N4BP1: variants seen among roughly 807,000 people sequenced by gnomAD.
N4BP1 encodes the protein NEDD4 binding protein 1, also known as NEDD4-binding protein 1.
In N4BP1, 21 loss-of-function variants were observed where a neutral mutation model predicts 70.9. The observed-to-expected ratio is 0.30, with a 90% CI of 0.21 to 0.43. N4BP1 has a LOEUF of 0.43. Among genes scored for constraint, N4BP1 ranks in the 20% least tolerant of loss-of-function variants. The pLI is 1.00. For missense variants in N4BP1, 936 were observed against 1,069.4 expected (o/e 0.88, Z 1.74); for synonymous variants, 387 against 394.6 (o/e 0.98, Z 0.23).
At chr16:48,604,810 T>C (rs1010392593) in intron 1 of N4BP1, among the ~76,000 whole-genome samples, 5 of 152,136 alleles carry the variant, frequency 3.3e-5, no homozygotes, top group African/African-American at 1.2e-4. Context: ...TATAATTAAA[T>C]CTGGATTCCT....
chr16:48,567,493 A>AT (rs1359081817), intron 1 of N4BP1, among the ~76,000 whole-genome samples: 10 of 151,764 alleles, frequency 6.6e-5, no homozygotes, highest in African/African-American at 2.4e-4. Flanking sequence ...AATTTTTTGT[A>AT]TTTTTAGTAG....
rs753227329 is a variant in N4BP1, at chr16:48,561,060, T to C, written c.1583A>G (p.Gln528Arg). Residue 528 changes from glutamine to arginine, a missense_variant, in exon 2 of 7, where the codon CAG becomes CGG. Coordinates refer to ENST00000262384, the MANE Select transcript of N4BP1 (RefSeq NM_153029.4). The part of the protein sequence containing the change: ...VPLFPENGLH[Q>R]QPEPLLPNNM... ...ATTTGGAAGCAAGGGTTCTGGCTGC[T>C]GGTGTAAACCATTTTCAGGAAAAAG... The C allele has an allele frequency of 6.2e-7, 1 of 1,614,016 alleles. No individual in the cohort carries two copies. The highest frequency in any genetic ancestry group is 1.7e-5 in the Admixed American group (1 of 60,020).
chr16:48,545,333 G>A (rs1006061250), intron 6 of N4BP1, among the ~76,000 whole-genome samples: 3 of 151,386 alleles, frequency 2.0e-5, no homozygotes, highest in African/African-American at 2.4e-5. Context: ...ACTTTAGGAG[G>A]CCGAAGCGGG....
chr16:48,609,671 A>G (rs1018504378), intron 1 of N4BP1, 104 bp downstream of exon 1: 3 of 1,045,814 alleles, frequency 2.9e-6, no homozygotes, highest in African/African-American at 1.7e-5. Flanking sequence ...CTGCGTTCCC[A>G]ACCCAGGCGC....
At chr16:48,571,494 G>A (rs1224182645) in intron 1 of N4BP1, among the ~76,000 whole-genome samples, 1 of 152,174 alleles carries the variant, frequency 6.6e-6, no homozygotes, top group African/African-American at 2.4e-5. Flanking sequence ...CAATTAAGCA[G>A]ATCACATGGA....
chr16:48,607,428 T>A (rs1964600676), intron 1 of N4BP1, among the ~76,000 whole-genome samples: 1 of 152,118 alleles, frequency 6.6e-6, no homozygotes, highest in South Asian at 2.1e-4. Context: ...GGGGTTGGAT[T>A]AATCGTTTTG....
chr16:48,607,802 A>C (rs1964607155), intron 1 of N4BP1, among the ~76,000 whole-genome samples: 1 of 152,210 alleles, frequency 6.6e-6, no homozygotes. Context: ...CCAACTGACT[A>C]AAAAAGTTAA....
At chr16:48,552,714 A>G (rs1963692507) in intron 3 of N4BP1, among the ~76,000 whole-genome samples, 1 of 124,842 alleles carries the variant, frequency 8.0e-6, no homozygotes, top group African/African-American at 3.3e-5. Flanking sequence ...AAAAAAAAAA[A>G]AAAAAAAAAA....
intron 1 of N4BP1, among the ~76,000 whole-genome samples, chr16:48,582,903 G>C (rs1964194411): frequency 6.6e-6 from 1 of 152,068 alleles, no homozygotes; most frequent in South Asian, 2.1e-4. Context: ...GAGCAACATA[G>C]GGAGACCTCA....
At chr16:48,602,031 C>G (rs1480122475) in intron 1 of N4BP1, among the ~76,000 whole-genome samples, 1 of 152,116 alleles carries the variant, frequency 6.6e-6, no homozygotes, top group Non-Finnish European at 1.5e-5. Context: ...AAGACCAGCC[C>G]GGCCAACATG....
chr16:48,598,796 G>A (rs941547312), intron 1 of N4BP1, among the ~76,000 whole-genome samples: 1 of 152,104 alleles, frequency 6.6e-6, no homozygotes, highest in African/African-American at 2.4e-5. Flanking sequence ...CTGGGGTGGT[G>A]AAGATAAATC....
Position 48,609,865 on chromosome 16 carries a change from G to T in N4BP1, c.108C>A (p.Ala36=), listed in dbSNP as rs756303566. 100 of 1,486,812 alleles carry T rather than the reference G, an allele frequency of 6.7e-5. No homozygotes were observed. The South Asian group carries it at 1.2e-3, about 17-fold the overall frequency. 92.1% of individuals were successfully genotyped at this position (1,486,812 alleles called of 1,614,324 possible). The change falls in exon 1 of 7, where the codon GCC becomes GCA. Residue 36 remains alanine (A), a synonymous_variant. Transcript: ENST00000262384. ...RIEGLFGVSL[A]VLGALGAEEP... is the part of the protein sequence containing the mutation. The stretch of plus-strand genomic sequence containing the variant: ...CCTCAGCCCCTAGCGCGCCGAGCAC[G>T]GCTAGGCTCACGCCAAACAGGCCCT...
In N4BP1 at chr16:48,539,621, C is replaced by T. The variant is rs1963459091; in HGVS notation, c.*3283G>A. 6.6e-6 allele frequency: 1 copy of T among 152,266 alleles called. No individual in the cohort carries two copies. The highest frequency in any genetic ancestry group is 1.5e-5 in the Non-Finnish European group (1 of 68,096). 9.4% of individuals were successfully genotyped at this position (152,266 alleles called of 1,614,324 possible). ...TGGGGAATGCGCTCATTTGCAGATT[C>T]CCGGGCCTTCCTCCAGAACTACTGG... is the stretch of plus-strand genomic sequence containing the variant. On this transcript the variant is annotated 3_prime_UTR_variant, in exon 7 of 7. Transcript: ENST00000262384.
intron 5 of N4BP1, 57 bp downstream of exon 5, chr16:48,547,950 G>T: frequency 8.5e-7 from 1 of 1,169,746 alleles, no homozygotes; most frequent in Middle Eastern, 2.8e-4. Context: ...AATGCACACA[G>T]AAACAAACAA....
At position 48,587,948 on chromosome 16, in the gene N4BP1, A is replaced by G. The variant is rs184314421; in HGVS notation, c.198+21827T>C. The stretch of plus-strand genomic sequence containing the variant: ...GATGTACAGACACTACAGGTGAAAT[A>G]TGTAGAGATAGTTTTCTTGATTTTT... On this transcript the variant is annotated intron_variant, in intron 1 of 6. Coordinates refer to ENST00000262384, the MANE Select transcript of N4BP1 (RefSeq NM_153029.4). Among the ~76,000 whole-genome samples the G allele has an allele frequency of 1.4e-3, 213 of 152,222 alleles. 3 individuals carry two copies. Among genetic ancestry groups the G allele is most frequent in the Admixed American group, 2.6e-3 (40 of 15,300 alleles).
In N4BP1 at chr16:48,608,505, C is replaced by A. The variant is rs77274963; in HGVS notation, c.198+1270G>T. Among the ~76,000 whole-genome samples the A allele has an allele frequency of 8.5e-5, 13 of 152,282 alleles. No homozygotes were observed. The East Asian group carries it at 1.9e-3, about 23-fold the overall frequency. On this transcript the variant is annotated intron_variant, in intron 1 of 6. Coordinates refer to ENST00000262384, the MANE Select transcript of N4BP1 (RefSeq NM_153029.4). Reference sequence around the variant, plus strand: ...CTTCCTGCCCACCCCGCAGACAGGGCTCATCATATGAGAGGCAAGTATCAA... The same window carrying A: ...CTTCCTGCCCACCCCGCAGACAGGGATCATCATATGAGAGGCAAGTATCAA...
In N4BP1 at chr16:48,541,802, CAGGAAAGGCTGTTTAGG is replaced by C. The variant is rs1963503145; in HGVS notation, c.*1085_*1101del. On this transcript the variant is annotated 3_prime_UTR_variant, in exon 7 of 7. Coordinates refer to ENST00000262384, the MANE Select transcript of N4BP1 (RefSeq NM_153029.4). Reference sequence around the variant, plus strand: ...AGATATCAATTCTGAGAAAGACTCACAGGAAAGGCTGTTTAGGAGGACACTAGAGACAAACACAGGGA... The same window carrying C: ...AGATATCAATTCTGAGAAAGACTCACAGGACACTAGAGACAAACACAGGGA... 1 of 152,630 alleles carries C rather than the reference CAGGAAAGGCTGTTTAGG, an allele frequency of 6.6e-6. No homozygotes were observed. Among genetic ancestry groups the C allele is most frequent in the Non-Finnish European group, 1.5e-5 (1 of 68,054 alleles). The allele number at this position is 152,630 out of a possible 1,614,324, so 9.5% of individuals were successfully genotyped here.
intron 1 of N4BP1, among the ~76,000 whole-genome samples, chr16:48,564,300 T>C (rs953399168): frequency 1.3e-5 from 2 of 152,228 alleles, no homozygotes; most frequent in Non-Finnish European, 2.9e-5. Flanking sequence ...TGTTATCGTC[T>C]AAGTTTTACA....
intron 1 of N4BP1, among the ~76,000 whole-genome samples, chr16:48,563,161 T>A (rs1408230767): frequency 1.3e-5 from 2 of 151,996 alleles, no homozygotes; most frequent in Admixed American, 1.3e-4. Context: ...AGTTTTCTTT[T>A]AATTTAGCCT....
Sources: allele counts gnomAD v4.1 joint callset (sites outside exome capture counted in the v4.1 genomes callset), GRCh38; gene constraint gnomAD v4.1.1; transcripts MANE v1.5; gene names NCBI Gene and HGNC (gene_info 2026-07-23, HGNC 2026-07-21).